The following ARL15 variants were observed in gnomAD, a reference collection of about 807,000 sequenced individuals.
ARL15 encodes the protein ADP-ribosylation factor-like protein 15.
A neutral mutation model predicts 25.2 loss-of-function variants in ARL15; 19 were observed. The ratio of observed to expected loss-of-function variants is 0.75; its 90% CI spans 0.53 to 1.10. The LOEUF is 1.10. Among genes scored for constraint, ARL15 ranks in the 50% least tolerant of loss-of-function variants. The probability of loss-of-function intolerance (pLI) is 0.00; values close to 1 mark genes in which losing one functional copy is unlikely to be tolerated. For synonymous variants in ARL15, 94 were observed against 86.8 expected, an observed-to-expected ratio of 1.08 and a Z score of -0.46; for missense variants, 220 against 246.0, an observed-to-expected ratio of 0.89 and a Z score of 0.71.
chr5:54,145,861 C>A (rs191373504), intron 3 of ARL15, among the ~76,000 whole-genome samples: 1 of 152,110 alleles, frequency 6.6e-6, no homozygotes, highest in Admixed American at 6.5e-5. Context: ...TACAGTGAAC[C>A]CTTAAGATTA....
At chr5:54,102,706 T>G (rs752298993) in intron 4 of ARL15, among the ~76,000 whole-genome samples, 3 of 152,198 alleles carry the variant, frequency 2.0e-5, no homozygotes, top group African/African-American at 7.2e-5. Context: ...CATTGCATTA[T>G]TTCTTTGTTC....
chr5:54,216,085 C>T (rs1158946561), intron 1 of ARL15, among the ~76,000 whole-genome samples: 1 of 152,128 alleles, frequency 6.6e-6, no homozygotes, highest in African/African-American at 2.4e-5. Context: ...TGGAGAGAAA[C>T]ATTGCTTGAG....
At chr5:53,983,110 C>CT (rs1415291407) in intron 4 of ARL15, among the ~76,000 whole-genome samples, 3 of 151,814 alleles carry the variant, frequency 2.0e-5, no homozygotes, top group African/African-American at 7.3e-5. Context: ...GATTCCTAGT[C>CT]TTTTTTAGTA....
chr5:54,198,874 T>C (rs1009208928), intron 1 of ARL15, among the ~76,000 whole-genome samples: 95 of 152,244 alleles, frequency 6.2e-4, no homozygotes, highest in African/African-American at 2.1e-3. Context: ...GCTGGAGGCA[T>C]CACGCTATCT....
At position 54,260,292 on chromosome 5, in the gene ARL15, G is replaced by C. The variant is rs147480379; in HGVS notation, c.48+50140C>G. Among the ~76,000 whole-genome samples, 4 of 152,260 alleles carry C rather than the reference G, an allele frequency of 2.6e-5. No individual in the cohort carries two copies. In the East Asian group the frequency reaches 7.7e-4, roughly 29 times the overall value. ...TGTACTAGCAGAAAAGGAAGAACCAGGGTAGATGGGATGAAAGTGTGATTC... is the reference window on the plus strand; with the variant it reads ...TGTACTAGCAGAAAAGGAAGAACCACGGTAGATGGGATGAAAGTGTGATTC... On this transcript the variant is annotated intron_variant, in intron 1 of 4. Transcript: ENST00000504924.
intron 4 of ARL15, among the ~76,000 whole-genome samples, chr5:54,000,051 T>C (rs865861221): frequency 6.6e-6 from 1 of 152,204 alleles, no homozygotes; most frequent in Non-Finnish European, 1.5e-5. Context: ...CATATCTATA[T>C]TGAGTCCATG....
At chr5:54,197,921 G>A (rs1308984889) in intron 1 of ARL15, among the ~76,000 whole-genome samples, 2 of 152,064 alleles carry the variant, frequency 1.3e-5, no homozygotes, top group Non-Finnish European at 2.9e-5. Flanking sequence ...ACCGAATCCA[G>A]CAGCATATCA....
At chr5:53,900,920 C>T (rs1745044124) in intron 4 of ARL15, among the ~76,000 whole-genome samples, 1 of 152,214 alleles carries the variant, frequency 6.6e-6, no homozygotes, top group Non-Finnish European at 1.5e-5. Context: ...CCAGAAATCT[C>T]AAGACCCACA....
intron 4 of ARL15, chr5:53,951,589 C>A (rs747096342): frequency 8.6e-6 from 4 of 466,178 alleles, no homozygotes; most frequent in South Asian, 6.4e-5. Flanking sequence ...ACAAGAATAC[C>A]TTCACATAAC....
chr5:54,120,158 T>G (rs1383739773), intron 3 of ARL15, among the ~76,000 whole-genome samples: 1 of 152,212 alleles, frequency 6.6e-6, no homozygotes, highest in East Asian at 1.9e-4. Context: ...ACCAAGCAAA[T>G]CATTCTTTGC....
At chr5:54,250,233 C>A (rs969810797) in intron 1 of ARL15, among the ~76,000 whole-genome samples, 1 of 152,076 alleles carries the variant, frequency 6.6e-6, no homozygotes, top group African/African-American at 2.4e-5. Context: ...GAGGACAGCA[C>A]CAAGAGGACA....
chr5:54,061,915 C>T (rs190049178), intron 4 of ARL15, among the ~76,000 whole-genome samples: 4 of 152,230 alleles, frequency 2.6e-5, no homozygotes, highest in African/African-American at 4.8e-5. Context: ...TGCCAGCCCA[C>T]GAAAGCAGCC....
chr5:53,907,488 A>ATTTTTTTTTTTTT (rs869174212), intron 4 of ARL15, among the ~76,000 whole-genome samples: 2 of 18,016 alleles, frequency 1.1e-4, no homozygotes, highest in Non-Finnish European at 1.7e-4. Flanking sequence ...ATATATATAT[A>ATTTTTTTTTTTTT]TTTTTTTTTT....
chr5:54,227,113 T>A (rs62372196), intron 1 of ARL15, among the ~76,000 whole-genome samples: 1 of 152,152 alleles, frequency 6.6e-6, no homozygotes, highest in Non-Finnish European at 1.5e-5. Context: ...AGGTATATCT[T>A]TATTAGTAGC....
chr5:53,905,639 T>A (rs902165741), intron 4 of ARL15, among the ~76,000 whole-genome samples: 1 of 152,174 alleles, frequency 6.6e-6, no homozygotes, highest in African/African-American at 2.4e-5. Flanking sequence ...TGCAGAATAG[T>A]CCTATTTTAC....
At chr5:54,054,080 T>C (rs2069863431) in intron 4 of ARL15, among the ~76,000 whole-genome samples, 1 of 152,188 alleles carries the variant, frequency 6.6e-6, no homozygotes. Flanking sequence ...TAACTAGCTA[T>C]GAATGTACCA....
intron 2 of ARL15, among the ~76,000 whole-genome samples, chr5:54,166,723 A>C (rs1411017542): frequency 6.6e-6 from 1 of 151,942 alleles, no homozygotes; most frequent in East Asian, 2.0e-4. Context: ...TGTCTCTATG[A>C]ACAGATACAA....
rs865977830 is a variant in ARL15, at chr5:54,267,897, A to C, written c.48+42535T>G. Among the ~76,000 whole-genome samples the C allele has an allele frequency of 6.3e-3, 949 of 151,808 alleles. 7 individuals are homozygous for C. The highest frequency in any genetic ancestry group is 0.022 in the African/African-American group (906 of 41,386). On this transcript the variant is annotated intron_variant, in intron 1 of 4. Transcript: ENST00000504924. The stretch of plus-strand genomic sequence containing the variant: ...CCGACCTTTCTCTCTGGCTGCCCTT[A>C]ACATTTTTTCCTTCATTTCAACTTT...
At chr5:54,130,126 T>A (rs1270894208) in intron 3 of ARL15, among the ~76,000 whole-genome samples, 1 of 151,988 alleles carries the variant, frequency 6.6e-6, no homozygotes, top group Non-Finnish European at 1.5e-5. Flanking sequence ...TAGTCCCAGA[T>A]AATTGGGAGG....
Sources: allele counts gnomAD v4.1 joint callset (sites outside exome capture counted in the v4.1 genomes callset), GRCh38; gene constraint gnomAD v4.1.1; transcripts MANE v1.5; gene names NCBI Gene and HGNC (gene_info 2026-07-23, HGNC 2026-07-21).